RAP1GAP2: variants seen among roughly 807,000 people sequenced by gnomAD.
RAP1GAP2 encodes the protein RAP1 GTPase activating protein 2.
A neutral mutation model predicts 95.0 loss-of-function variants in RAP1GAP2; 27 were observed. The observed-to-expected ratio is 0.28, with a 90% CI of 0.21 to 0.39. RAP1GAP2 has a LOEUF of 0.39. Among genes scored for constraint, RAP1GAP2 ranks in the 10% least tolerant of loss-of-function variants. The pLI is 1.00. For synonymous variants in RAP1GAP2, 373 were observed against 380.9 expected, an observed-to-expected ratio of 0.98 and a Z score of 0.24; for missense variants, 771 against 970.0, an observed-to-expected ratio of 0.79 and a Z score of 2.72.
At chr17:2,907,995 C>T (rs1458928885) in intron 3 of RAP1GAP2, among the ~76,000 whole-genome samples, 1 of 151,734 alleles carries the variant, frequency 6.6e-6, no homozygotes, top group East Asian at 1.9e-4. Context: ...TTAGTAGAGA[C>T]GGGGATTCAC....
At chr17:2,869,409 A>G (rs1450353295) in intron 2 of RAP1GAP2, among the ~76,000 whole-genome samples, 1 of 152,052 alleles carries the variant, frequency 6.6e-6, no homozygotes, top group Non-Finnish European at 1.5e-5. Context: ...AATGCCACTG[A>G]ATTGCAAACT....
chr17:2,788,382 A>T (rs1281697233), intron 1 of RAP1GAP2, among the ~76,000 whole-genome samples: 1 of 151,714 alleles, frequency 6.6e-6, no homozygotes, highest in African/African-American at 2.4e-5. Context: ...TGCAACCTCT[A>T]CCTCCCTGAT....
At chr17:2,994,608 G>C (rs2045890737) in intron 12 of RAP1GAP2, among the ~76,000 whole-genome samples, 1 of 152,230 alleles carries the variant, frequency 6.6e-6, no homozygotes, top group Non-Finnish European at 1.5e-5. Context: ...CAGCCACCAG[G>C]ATGGCTGGCT....
intron 2 of RAP1GAP2, among the ~76,000 whole-genome samples, chr17:2,881,864 A>G (rs1044072665): frequency 2.0e-5 from 3 of 152,092 alleles, no homozygotes; most frequent in Admixed American, 6.6e-5. Flanking sequence ...TATGTCGCCC[A>G]AGCTGGAGTG....
At chr17:2,982,660 A>G (rs570641907) in intron 10 of RAP1GAP2, among the ~76,000 whole-genome samples, 8 of 152,022 alleles carry the variant, frequency 5.3e-5, no homozygotes, top group South Asian at 2.1e-4. Flanking sequence ...TATAATTACA[A>G]CTGAATGAGT....
At chr17:3,019,267 G>C (rs2046876962) in intron 18 of RAP1GAP2, among the ~76,000 whole-genome samples, 1 of 152,122 alleles carries the variant, frequency 6.6e-6, no homozygotes, top group Non-Finnish European at 1.5e-5. Flanking sequence ...AGTGGGCCGG[G>C]CATGGTGGCT....
intron 3 of RAP1GAP2, among the ~76,000 whole-genome samples, chr17:2,914,248 A>G (rs1312356377): frequency 6.6e-6 from 1 of 152,136 alleles, no homozygotes; most frequent in African/African-American, 2.4e-5. Flanking sequence ...CAGCAGTGTC[A>G]TTTGAGTTCT....
chr17:2,776,402 C>T (rs2068500058), upstream of RAP1GAP2, among the ~76,000 whole-genome samples: 1 of 152,224 alleles, frequency 6.6e-6, no homozygotes, highest in Non-Finnish European at 1.5e-5. Flanking sequence ...CCAGGAACCC[C>T]TGGCGGGCAG....
intron 11 of RAP1GAP2, 114 bp downstream of exon 11, chr17:2,985,180 A>G: frequency 6.6e-7 from 1 of 1,522,316 alleles, no homozygotes; most frequent in South Asian, 1.3e-5. Context: ...CATTTGGAAT[A>G]CAACGGTCAC....
intron 1 of RAP1GAP2, among the ~76,000 whole-genome samples, chr17:2,790,040 T>C (rs1387149039): frequency 6.6e-6 from 1 of 152,108 alleles, no homozygotes; most frequent in Admixed American, 6.6e-5. Context: ...TCTTCACTAA[T>C]GTGGGGTTGC....
intron 3 of RAP1GAP2, among the ~76,000 whole-genome samples, chr17:2,919,954 G>A (rs949042658): frequency 1.3e-5 from 2 of 151,884 alleles, no homozygotes; most frequent in Non-Finnish European, 2.9e-5. Context: ...GCCCGCCTCG[G>A]CCTCCCAAAG....
intron 14 of RAP1GAP2, among the ~76,000 whole-genome samples, chr17:2,999,681 G>A (rs1039259009): frequency 3.9e-5 from 6 of 151,950 alleles, no homozygotes; most frequent in Non-Finnish European, 8.8e-5. Context: ...GCACGGTGGC[G>A]TACGCCTGTA....
chr17:2,864,870 G>A (rs1597463841), intron 2 of RAP1GAP2, among the ~76,000 whole-genome samples: 1 of 152,206 alleles, frequency 6.6e-6, no homozygotes, highest in African/African-American at 2.4e-5. Context: ...GAGGCTGCGC[G>A]TCGCAGTACA....
At chr17:2,765,468 G>A (rs762404101) in intron 1 of RAP1GAP2, among the ~76,000 whole-genome samples, 5 of 152,012 alleles carry the variant, frequency 3.3e-5, no homozygotes, top group African/African-American at 1.2e-4. Context: ...GAGAGGGCGC[G>A]GTGGCTCACG....
At chr17:2,919,636 T>A (rs2042684486) in intron 3 of RAP1GAP2, among the ~76,000 whole-genome samples, 1 of 151,880 alleles carries the variant, frequency 6.6e-6, no homozygotes, top group East Asian at 1.9e-4. Context: ...GTCTGGGGGG[T>A]CTGGGCTGAT....
At chr17:3,007,965 C>T (rs1184560631) in intron 16 of RAP1GAP2, 46 bp from the exon 17 acceptor site, 2 of 1,602,688 alleles carry the variant, frequency 1.2e-6, no homozygotes. Context: ...AGGCACATCT[C>T]TGCTCTCAGA....
chr17:2,781,504 CCT>C (rs529775605), intron 1 of RAP1GAP2, among the ~76,000 whole-genome samples: 1 of 152,168 alleles, frequency 6.6e-6, no homozygotes, highest in South Asian at 2.1e-4. Flanking sequence ...TGAGCACACC[CCT>C]GTGTGTGCAC....
At chr17:2,799,142 C>T (rs945905252) in intron 1 of RAP1GAP2, among the ~76,000 whole-genome samples, 2 of 152,170 alleles carry the variant, frequency 1.3e-5, no homozygotes, top group Non-Finnish European at 2.9e-5. Context: ...GGGTTGCACG[C>T]GTTACAGCAG....
chr17:2,782,845 G>A (rs2068689524), intron 1 of RAP1GAP2, among the ~76,000 whole-genome samples: 2 of 152,086 alleles, frequency 1.3e-5, no homozygotes, highest in South Asian at 2.1e-4. Context: ...GTGAAACCCC[G>A]TCTCTACTAA....
Sources: gnomAD v4.1 joint callset for allele counts (sites outside exome capture counted in the v4.1 genomes callset) on GRCh38, gnomAD v4.1.1 for gene constraint, MANE v1.5 for transcripts, NCBI Gene and HGNC (gene_info 2026-07-23, HGNC 2026-07-21) for gene names.